The following ZNRF3 variants were observed in gnomAD, a reference collection of about 807,000 sequenced individuals.
ZNRF3 encodes the protein zinc and ring finger 3.
ZNRF3 carries 23 observed loss-of-function variants against 72.5 expected under a neutral mutation model. The observed-to-expected ratio is 0.32, with a 90% CI of 0.23 to 0.45. The LOEUF (loss-of-function observed/expected upper bound fraction) is 0.45, where lower values mean the gene tolerates loss of function less well. Among genes scored for constraint, ZNRF3 ranks in the 20% least tolerant of loss-of-function variants. ZNRF3 has a pLI of 1.00. For synonymous variants in ZNRF3, 610 were observed against 545.3 expected (o/e 1.12, Z -1.65); for missense variants, 1,169 against 1,272.1 (o/e 0.92, Z 1.23).
chr22:28,990,542 G>A (rs1437720582), intron 2 of ZNRF3, among the ~76,000 whole-genome samples: 1 of 152,038 alleles, frequency 6.6e-6, no homozygotes, highest in African/African-American at 2.4e-5. Context: ...AAATTAGCTG[G>A]GAGTGGTGGC....
At chr22:28,947,138 A>G (rs2035067141) in intron 1 of ZNRF3, among the ~76,000 whole-genome samples, 1 of 152,200 alleles carries the variant, frequency 6.6e-6, no homozygotes, top group Admixed American at 6.5e-5. Flanking sequence ...GAATCCTTTA[A>G]ATAAGCACAT....
Position 29,049,968 on chromosome 22 carries a change from C to G in ZNRF3, c.1787C>G (p.Pro596Arg). 6.2e-7 allele frequency: 1 copy of G among 1,612,330 alleles called. No homozygotes were observed. The highest frequency in any genetic ancestry group is 2.2e-5 in the East Asian group (1 of 44,858). Residue 596 changes from proline to arginine, a missense_variant, in exon 8 of 9, where the codon CCC becomes CGC. Around this residue, in one of 2 missense-constraint regions of ZNRF3, gnomAD observed 783 missense variants for 731.4 expected, o/e 1.07. Transcript: ENST00000544604. The surrounding 1 kb of genome is among the most constrained non-coding windows in gnomAD (Gnocchi z 5.2). ...FRSSLSSDYDPFIYRSRSPCR... is the reference protein window; with the variant it reads ...FRSSLSSDYDRFIYRSRSPCR... ...AGCTCCCTCAGCAGCGACTATGACC[C>G]CTTCATCTACCGCAGCCGGAGCCCC...
intron 1 of ZNRF3, among the ~76,000 whole-genome samples, chr22:28,916,885 G>C (rs1170622222): frequency 1.3e-5 from 2 of 152,088 alleles, no homozygotes; most frequent in Non-Finnish European, 2.9e-5. Flanking sequence ...TGACGCTCTT[G>C]GAGTTCCTTT....
chr22:29,051,285 C>T (rs145972271), intron 8 of ZNRF3, among the ~76,000 whole-genome samples: 1 of 152,182 alleles, frequency 6.6e-6, no homozygotes, highest in African/African-American at 2.4e-5. Flanking sequence ...TGCCTCTAAT[C>T]TTGGCTCACC....
intron 2 of ZNRF3, among the ~76,000 whole-genome samples, chr22:28,992,163 C>T (rs1389786980): frequency 7.8e-6 from 1 of 128,840 alleles, no homozygotes; most frequent in African/African-American, 2.9e-5. Flanking sequence ...TCTCCCTCTT[C>T]CCCCCAACCC....
intron 2 of ZNRF3, among the ~76,000 whole-genome samples, chr22:28,995,718 TG>T (rs1161068753): frequency 6.6e-6 from 1 of 151,904 alleles, no homozygotes; most frequent in African/African-American, 2.4e-5. Context: ...AAAGTGTGGC[TG>T]GGGGCTGGTA....
chr22:28,946,572 G>A (rs951461779), intron 1 of ZNRF3, among the ~76,000 whole-genome samples: 7 of 152,188 alleles, frequency 4.6e-5, no homozygotes, highest in African/African-American at 1.4e-4. Flanking sequence ...TACTAAATAC[G>A]GACGAATGGC....
At chr22:28,896,283 T>C (rs1237916097) in intron 1 of ZNRF3, among the ~76,000 whole-genome samples, 2 of 152,000 alleles carry the variant, frequency 1.3e-5, no homozygotes, top group Non-Finnish European at 2.9e-5. Flanking sequence ...TACAGGCGTG[T>C]GCCACCACGC....
Position 29,050,432 on chromosome 22 carries a change from C to T in ZNRF3, c.2251C>T (p.Gln751Ter). Residue 751 changes from glutamine (Q) to a stop codon, truncating the protein, a stop_gained, in exon 8 of 9, where the codon CAG becomes TAG. Coordinates refer to ENST00000544604, the MANE Select transcript of ZNRF3 (RefSeq NM_001206998.2). LOFTEE classifies it high-confidence loss of function. Reference protein sequence around the residue: ...EGSGPAGGEPQSGSSQGLYGL... With the variant: ...EGSGPAGGEP ...CTCTGGCCCGGCGGGTGGGGAGCCC[C>T]AGTCAGGAAGCTCCCAGGGCTTGTA... 1 of 1,609,234 alleles carries T rather than the reference C, an allele frequency of 6.2e-7. No individual in the cohort carries two copies.
intron 1 of ZNRF3, among the ~76,000 whole-genome samples, chr22:28,955,848 G>T (rs2035250375): frequency 6.6e-6 from 1 of 152,030 alleles, no homozygotes; most frequent in Non-Finnish European, 1.5e-5. Flanking sequence ...GAACCCAGGA[G>T]GTCCGGGCTG....
intron 2 of ZNRF3, chr22:29,031,617 A>AG (rs2036759330): frequency 1.0e-6 from 1 of 985,480 alleles, no homozygotes; most frequent in African/African-American, 1.7e-5. Context: ...GGAGGAGGAA[A>AG]GGAAAAAGTG....
At chr22:29,008,070 C>G (rs543467164) in intron 2 of ZNRF3, among the ~76,000 whole-genome samples, 1 of 152,092 alleles carries the variant, frequency 6.6e-6, no homozygotes, top group Non-Finnish European at 1.5e-5. Flanking sequence ...AATTCTATTT[C>G]TTTCCTTTTT....
intron 1 of ZNRF3, among the ~76,000 whole-genome samples, chr22:28,906,510 A>G (rs2034210833): frequency 6.6e-6 from 1 of 152,150 alleles, no homozygotes; most frequent in African/African-American, 2.4e-5. Flanking sequence ...AGGTCATCCA[A>G]CCTCTCTGAA....
At chr22:28,960,038 A>G (rs942419056) in intron 1 of ZNRF3, among the ~76,000 whole-genome samples, 15 of 152,228 alleles carry the variant, frequency 9.9e-5, no homozygotes, top group Admixed American at 3.9e-4. Context: ...TACTTAGTTC[A>G]GATAGAAAGT....
chr22:29,012,068 C>T (rs1019850451), intron 2 of ZNRF3, among the ~76,000 whole-genome samples: 1 of 152,196 alleles, frequency 6.6e-6, no homozygotes, highest in African/African-American at 2.4e-5. Flanking sequence ...TTGGCCAAGT[C>T]GTTTGAAGTT....
intron 1 of ZNRF3, among the ~76,000 whole-genome samples, chr22:28,919,177 A>G (rs1224173798): frequency 6.6e-6 from 1 of 152,210 alleles, no homozygotes; most frequent in Non-Finnish European, 1.5e-5. Flanking sequence ...AGGGGACCAC[A>G]CAAGTTATTT....
chr22:29,053,217 T>C (rs2037238830), intron 8 of ZNRF3, among the ~76,000 whole-genome samples: 1 of 152,254 alleles, frequency 6.6e-6, no homozygotes, highest in Admixed American at 6.5e-5. Flanking sequence ...TGTTCACTTC[T>C]GTCATCCTAT....
At chr22:28,950,881 C>A (rs1314513966) in intron 1 of ZNRF3, among the ~76,000 whole-genome samples, 4 of 152,200 alleles carry the variant, frequency 2.6e-5, no homozygotes, top group African/African-American at 9.6e-5. Flanking sequence ...TATTTTGCGC[C>A]TTGTCCTCTT....
chr22:28,898,286 C>T (rs146108638), intron 1 of ZNRF3, among the ~76,000 whole-genome samples: 13 of 152,242 alleles, frequency 8.5e-5, no homozygotes, highest in Admixed American at 3.9e-4. Context: ...CTGTGATTGT[C>T]GCAACTATTT....
Sources: gnomAD v4.1 joint callset for allele counts (sites outside exome capture counted in the v4.1 genomes callset) on GRCh38, gnomAD v4.1.1 for gene constraint, gnomAD v4.1.1 regional missense constraint, Gnocchi (gnomAD v3.1) non-coding constraint, MANE v1.5 for transcripts, NCBI Gene and HGNC (gene_info 2026-07-23, HGNC 2026-07-21) for gene names.